The following COL21A1 variants were observed in gnomAD, a reference collection of about 807,000 sequenced individuals.
COL21A1 encodes collagen alpha-1(XXI) chain.
Under a neutral mutation model 137.9 loss-of-function variants are expected in COL21A1, and 149 were observed. That is an observed-to-expected ratio of 1.08 (90% CI 0.95 to 1.24). The LOEUF (loss-of-function observed/expected upper bound fraction) is 1.24. COL21A1 is among the 50% of genes most tolerant of loss of function. COL21A1 has a pLI of 0.00. For synonymous variants in COL21A1, 456 were observed against 391.5 expected (o/e 1.16, Z -1.95); for missense variants, 1,167 against 1,158.4 (o/e 1.01, Z -0.11).
At chr6:56,127,334 T>G (rs184170899) in intron 12 of COL21A1, among the ~76,000 whole-genome samples, 2 of 152,372 alleles carry the variant, frequency 1.3e-5, no homozygotes, top group East Asian at 3.9e-4. Context: ...ATGGCCATTT[T>G]AATCGTTTAG....
intron 1 of COL21A1, among the ~76,000 whole-genome samples, chr6:56,257,879 A>G (rs188403822): frequency 1.3e-4 from 20 of 152,276 alleles, no homozygotes; most frequent in African/African-American, 4.8e-4. Context: ...GCATTAAATT[A>G]TAGTATTATA....
At chr6:56,305,419 G>A (rs926264729) in intron 1 of COL21A1, among the ~76,000 whole-genome samples, 8 of 152,292 alleles carry the variant, frequency 5.3e-5, no homozygotes, top group Middle Eastern at 3.4e-3. Flanking sequence ...GGGGGCTCCT[G>A]TATTGGGTGC....
chr6:56,060,941 G>A lies in COL21A1; in HGVS notation c.2302C>T (p.Gln768Ter), dbSNP rs1765743059. The A allele has an allele frequency of 6.3e-7, 1 of 1,591,528 alleles. No homozygotes were observed. Among genetic ancestry groups the A allele is most frequent in the Non-Finnish European group, 8.5e-7 (1 of 1,172,488 alleles). ...CCCTGAGGACCTGGATCCCCAGGTT[G>A]CCCCTTAGGACCTGCGGGCCCCATC... Reference protein sequence around the residue: ...GLMGPAGPKGQPGDPGPQGPP... With the variant: ...GLMGPAGPKG The change falls in exon 26 of 30, where the codon CAA becomes TAA. Residue 768 changes from glutamine (Q) to a stop codon, truncating the protein, a stop_gained. Transcript: ENST00000244728. LOFTEE classifies it high-confidence loss of function.
chr6:56,162,554 C>G (rs762749853), intron 9 of COL21A1, among the ~76,000 whole-genome samples: 16 of 152,212 alleles, frequency 1.1e-4, no homozygotes, highest in Admixed American at 6.5e-4. Context: ...AATCAGAAAA[C>G]AGCAGAGGCT....
chr6:56,098,698 T>A (rs868857933), intron 17 of COL21A1, among the ~76,000 whole-genome samples: 4 of 70,686 alleles, frequency 5.7e-5, no homozygotes, highest in Non-Finnish European at 5.4e-5. Flanking sequence ...AATATATAAA[T>A]ATATATATAA....
chr6:56,177,770 T>C (rs1016825837), intron 3 of COL21A1, among the ~76,000 whole-genome samples: 1 of 117,324 alleles, frequency 8.5e-6, no homozygotes, highest in Non-Finnish European at 1.6e-5. Flanking sequence ...CCAGCCTGGG[T>C]GACAGAGCGA....
At chr6:56,326,602 A>G (rs1434849545) in intron 1 of COL21A1, among the ~76,000 whole-genome samples, 1 of 151,988 alleles carries the variant, frequency 6.6e-6, no homozygotes, top group African/African-American at 2.4e-5. Context: ...ACAAATCAAA[A>G]TAACAGTCAT....
At chr6:56,098,442 T>A (rs1345098112) in intron 17 of COL21A1, among the ~76,000 whole-genome samples, 1 of 9,016 alleles carries the variant, frequency 1.1e-4, no homozygotes, top group African/African-American at 6.8e-4. Flanking sequence ...TATATATAAA[T>A]ATATATATAT....
intron 16 of COL21A1, among the ~76,000 whole-genome samples, chr6:56,116,396 TAA>T (rs370697652): frequency 0.029 from 2,618 of 90,752 alleles, 79 homozygotes; most frequent in African/African-American, 0.099. Flanking sequence ...GTGCCAAAGG[TAA>T]AAAAAAAAAA....
chr6:56,191,391 A>G (rs1225555355), intron 1 of COL21A1, among the ~76,000 whole-genome samples: 2 of 150,696 alleles, frequency 1.3e-5, no homozygotes, highest in Admixed American at 6.6e-5. Flanking sequence ...TCAAGACCAG[A>G]CTGACCAACA....
chr6:56,098,605 AAAT>A (rs1562193510), intron 17 of COL21A1, among the ~76,000 whole-genome samples: 36 of 22,914 alleles, frequency 1.6e-3, no homozygotes, highest in African/African-American at 7.2e-3. Flanking sequence ...ATATATATAT[AAAT>A]ATATATAAAT....
At position 56,128,030 on chromosome 6, in the gene COL21A1, A is replaced by G. The variant is rs1436536305; in HGVS notation, c.1543-1881T>C. ...AGGCTCCTCTCAGCCACCTGTAAGC[A>G]TAGGGGTGGACACACAATTGTGCTG... On this transcript the variant is annotated intron_variant, in intron 12 of 29. Coordinates refer to ENST00000244728, the MANE Select transcript of COL21A1 (RefSeq NM_030820.4). Among the ~76,000 whole-genome samples the G allele has an allele frequency of 6.6e-5, 10 of 152,302 alleles. No homozygotes were observed. The Middle Eastern group carries it at 0.01, about 155-fold the overall frequency.
chr6:56,098,638 A>AAT (rs1283689262), intron 17 of COL21A1, among the ~76,000 whole-genome samples: 59 of 15,034 alleles, frequency 3.9e-3, no homozygotes, highest in South Asian at 0.011. Flanking sequence ...TATATATATA[A>AAT]ATATATATAA....
At chr6:56,388,948 C>T (rs1337188571) in intron 1 of COL21A1, among the ~76,000 whole-genome samples, 4 of 152,120 alleles carry the variant, frequency 2.6e-5, no homozygotes, top group African/African-American at 9.7e-5. Flanking sequence ...ATACAAACAA[C>T]AAGAAATCCT....
At chr6:56,309,329 T>C (rs374136256) in intron 1 of COL21A1, among the ~76,000 whole-genome samples, 73 of 152,290 alleles carry the variant, frequency 4.8e-4, no homozygotes, top group Middle Eastern at 3.4e-3. Flanking sequence ...TGAGCCACCG[T>C]GCCCGGCCAA....
At chr6:56,211,186 T>C (rs9688692) in intron 1 of COL21A1, among the ~76,000 whole-genome samples, 2 of 11,018 alleles carry the variant, frequency 1.8e-4, no homozygotes, top group African/African-American at 8.3e-4. Context: ...TACATATATA[T>C]GTATATATGT....
At chr6:56,276,357 A>G (rs551305977) in intron 1 of COL21A1, among the ~76,000 whole-genome samples, 4 of 152,310 alleles carry the variant, frequency 2.6e-5, no homozygotes, top group Non-Finnish European at 4.4e-5. Context: ...ACAAACCTGG[A>G]CATGTACCCC....
intron 1 of COL21A1, among the ~76,000 whole-genome samples, chr6:56,371,363 C>T (rs919728527): frequency 6.6e-6 from 1 of 152,158 alleles, no homozygotes; most frequent in African/African-American, 2.4e-5. Context: ...ATCTAAATGA[C>T]AAGGAATCAC....
intron 1 of COL21A1, among the ~76,000 whole-genome samples, chr6:56,200,904 G>T (rs971868674): frequency 3.9e-5 from 6 of 152,078 alleles, no homozygotes; most frequent in African/African-American, 1.4e-4. Flanking sequence ...GGTTGAACTA[G>T]TTTACAGTCC....
Sources: gnomAD v4.1 joint callset for allele counts (sites outside exome capture counted in the v4.1 genomes callset) on GRCh38, gnomAD v4.1.1 for gene constraint, MANE v1.5 for transcripts, NCBI Gene and HGNC (gene_info 2026-07-23, HGNC 2026-07-21) for gene names.